OSBPL9: variants seen among roughly 807,000 people sequenced by gnomAD.
The protein encoded by OSBPL9 is oxysterol-binding protein-related protein 9.
In OSBPL9, 40 loss-of-function variants were observed where a neutral mutation model predicts 106.6. That is an observed-to-expected ratio of 0.38 (90% CI 0.29 to 0.49). The LOEUF (loss-of-function observed/expected upper bound fraction) is 0.49, where lower values mean the gene tolerates loss of function less well. OSBPL9 is among the 20% of genes least tolerant of loss of function. The pLI, the probability that OSBPL9 is intolerant of heterozygous loss-of-function variation, is 0.97. For missense variants in OSBPL9, 609 were observed against 887.2 expected, an observed-to-expected ratio of 0.69 and a Z score of 3.98; for synonymous variants, 269 against 295.4, an observed-to-expected ratio of 0.91 and a Z score of 0.92.
At chr1:51,538,160 T>A in the OSBPL9 span, among the ~76,000 whole-genome samples, 3 of 151,994 alleles carry the variant, frequency 2.0e-5, no homozygotes, top group African/African-American at 7.2e-5. Context: ...GGCATGGTAG[T>A]GCATGCCTGT....
chr1:51,601,783 C>T (rs1056124935), intron 2 of OSBPL9, among the ~76,000 whole-genome samples: 1 of 152,188 alleles, frequency 6.6e-6, no homozygotes, highest in Non-Finnish European at 1.5e-5. Flanking sequence ...GTATTGGACA[C>T]CAATTAAGTA....
intron 15 of OSBPL9, among the ~76,000 whole-genome samples, chr1:51,780,950 C>T (rs1676238963): frequency 6.6e-6 from 1 of 151,876 alleles, no homozygotes; most frequent in Non-Finnish European, 1.5e-5. Context: ...CCCCAAAAAC[C>T]TGTTGAAATT....
Position 51,781,091 on chromosome 1 carries a change from T to C in OSBPL9, c.1257-73T>C, listed in dbSNP as rs533581830. 769 of 1,460,828 alleles carry C rather than the reference T, an allele frequency of 5.3e-4. 4 individuals carry two copies. Among genetic ancestry groups the C allele is most frequent in the South Asian group, 5.1e-3 (419 of 82,190 alleles). 90.5% of individuals were successfully genotyped at this position (1,460,828 alleles called of 1,614,324 possible). On this transcript the variant is annotated intron_variant, in intron 15 of 23. Coordinates refer to ENST00000428468, the MANE Select transcript of OSBPL9 (RefSeq NM_024586.6). ...CTCTCAGCCTGACTTAGGTGGACCATGCTGGGGGTTGTTGCATCATCTTGT... is the reference window on the plus strand; with the variant it reads ...CTCTCAGCCTGACTTAGGTGGACCACGCTGGGGGTTGTTGCATCATCTTGT...
At chr1:51,606,891 AC>A (rs1643952205) in intron 2 of OSBPL9, among the ~76,000 whole-genome samples, 1 of 151,940 alleles carries the variant, frequency 6.6e-6, no homozygotes, top group Non-Finnish European at 1.5e-5. Context: ...TCCTAAAAAT[AC>A]AAAAAAAATT....
chr1:51,710,682 T>C (rs1407740020), intron 3 of OSBPL9, among the ~76,000 whole-genome samples: 1 of 152,240 alleles, frequency 6.6e-6, no homozygotes, highest in African/African-American at 2.4e-5. Context: ...CCATTAAATG[T>C]CGTACTCTAT....
At chr1:51,669,640 T>C (rs553149059) in intron 3 of OSBPL9, 128 bp downstream of exon 3, 11 of 856,596 alleles carry the variant, frequency 1.3e-5, no homozygotes, top group Non-Finnish European at 2.1e-5. Flanking sequence ...CATAGGAACA[T>C]TCTGGATGAA....
At position 51,723,856 on chromosome 1, in the gene OSBPL9, T is replaced by G. The variant is rs190606701; in HGVS notation, c.318+9777T>G. Among the ~76,000 whole-genome samples, 11 of 152,364 alleles carry G rather than the reference T, an allele frequency of 7.2e-5. No homozygotes were observed. The East Asian group carries it at 1.9e-3, about 27-fold the overall frequency. ...TGTGGATGTATGTTGTCATCTCCCT[T>G]GGGCAGATACCAAGGAGTGCCATTG... On this transcript the variant is annotated intron_variant, in intron 4 of 23. Coordinates refer to ENST00000428468, the MANE Select transcript of OSBPL9 (RefSeq NM_024586.6).
intron 8 of OSBPL9, among the ~76,000 whole-genome samples, chr1:51,754,878 C>G (rs1162067600): frequency 6.6e-6 from 1 of 152,152 alleles, no homozygotes; most frequent in Non-Finnish European, 1.5e-5. Context: ...TCATAAATAA[C>G]TCACTGCAAC....
At chr1:51,534,367 C>A in the OSBPL9 span, among the ~76,000 whole-genome samples, 1 of 152,178 alleles carries the variant, frequency 6.6e-6, no homozygotes, top group African/African-American at 2.4e-5. Context: ...CATCTCCCCT[C>A]TATGGCAATG....
intron 3 of OSBPL9, among the ~76,000 whole-genome samples, chr1:51,711,924 C>T (rs1427174143): frequency 1.3e-5 from 2 of 151,614 alleles, no homozygotes; most frequent in African/African-American, 2.4e-5. Context: ...TCCTCACTTT[C>T]CAGACTAGGC....
intron 4 of OSBPL9, among the ~76,000 whole-genome samples, chr1:51,738,698 T>C (rs938670378): frequency 2.6e-5 from 4 of 152,038 alleles, no homozygotes; most frequent in African/African-American, 9.7e-5. Flanking sequence ...TTATAGCTTG[T>C]TTTTAAAACA....
At chr1:51,725,968 A>G (rs1468430179) in intron 4 of OSBPL9, among the ~76,000 whole-genome samples, 1 of 152,204 alleles carries the variant, frequency 6.6e-6, no homozygotes, top group Non-Finnish European at 1.5e-5. Flanking sequence ...CCAGAGCTTA[A>G]CTACTCATAG....
intron 1 of OSBPL9, among the ~76,000 whole-genome samples, chr1:51,585,565 C>A (rs1381582651): frequency 1.3e-5 from 2 of 152,112 alleles, no homozygotes; most frequent in Non-Finnish European, 2.9e-5. Flanking sequence ...ATCACAAGGT[C>A]AGGAGTTCGA....
At chr1:51,724,561 G>A (rs911687546) in intron 4 of OSBPL9, among the ~76,000 whole-genome samples, 2 of 152,176 alleles carry the variant, frequency 1.3e-5, no homozygotes, top group Admixed American at 1.3e-4. Flanking sequence ...TGGGATTACA[G>A]GTGTGAGCTA....
At chr1:51,701,320 C>T (rs1657190208) in intron 3 of OSBPL9, among the ~76,000 whole-genome samples, 1 of 152,170 alleles carries the variant, frequency 6.6e-6, no homozygotes, top group South Asian at 2.1e-4. Flanking sequence ...TAATATTGGA[C>T]TTGTGGATAT....
chr1:51,743,120 A>G (rs1282904267), intron 4 of OSBPL9, among the ~76,000 whole-genome samples: 4 of 152,248 alleles, frequency 2.6e-5, no homozygotes, highest in Admixed American at 2.6e-4. Flanking sequence ...TGGGGCAACT[A>G]TATACATAAA....
chr1:51,650,471 G>A (rs1466980646), intron 1 of OSBPL9, among the ~76,000 whole-genome samples: 1 of 152,108 alleles, frequency 6.6e-6, no homozygotes, highest in Middle Eastern at 3.2e-3. Context: ...TTCATCAACT[G>A]TTTTCTTTCA....
intron 7 of OSBPL9, chr1:51,749,612 A>G: frequency 6.9e-6 from 2 of 290,736 alleles, no homozygotes; most frequent in Admixed American, 3.3e-5. Flanking sequence ...TACCCAGCCT[A>G]TCAGTGTCTT....
intron 13 of OSBPL9, 145 bp from the exon 14 acceptor site, chr1:51,772,460 G>A: frequency 1.3e-6 from 1 of 741,088 alleles, no homozygotes; most frequent in Non-Finnish European, 2.3e-6. Context: ...GGTTTACAGT[G>A]AGCCAAGATC....
Sources: gnomAD v4.1 joint callset for allele counts (sites outside exome capture counted in the v4.1 genomes callset) on GRCh38, gnomAD v4.1.1 for gene constraint, MANE v1.5 for transcripts, NCBI Gene and HGNC (gene_info 2026-07-23, HGNC 2026-07-21) for gene names.